The following STARD13 variants were observed in gnomAD, a reference collection of about 807,000 sequenced individuals.
STARD13 encodes the protein StAR related lipid transfer domain containing 13, also known as stAR-related lipid transfer protein 13.
STARD13 carries 62 observed loss-of-function variants against 106.4 expected under a neutral mutation model. The ratio of observed to expected loss-of-function variants is 0.58; its 90% CI spans 0.48 to 0.72. The LOEUF (loss-of-function observed/expected upper bound fraction) is 0.72. STARD13 is among the 30% of genes least tolerant of loss of function. The pLI, the probability that STARD13 is intolerant of heterozygous loss-of-function variation, is 0.00. For synonymous variants in STARD13, 565 were observed against 553.0 expected, an observed-to-expected ratio of 1.02 and a Z score of -0.31; for missense variants, 1,387 against 1,424.0, an observed-to-expected ratio of 0.97 and a Z score of 0.42.
intron 1 of STARD13, among the ~76,000 whole-genome samples, chr13:33,311,881 C>G (rs1381474758): frequency 1.3e-5 from 2 of 152,162 alleles, no homozygotes; most frequent in African/African-American, 4.8e-5. Flanking sequence ...GCTTTTCTTG[C>G]ATGTGGATTA....
chr13:33,187,989 C>T (rs532035582), intron 1 of STARD13, among the ~76,000 whole-genome samples: 7 of 152,174 alleles, frequency 4.6e-5, no homozygotes, highest in East Asian at 3.9e-4. Flanking sequence ...CCAACCTAAA[C>T]GAAGCATCTT....
the STARD13 span, among the ~76,000 whole-genome samples, chr13:33,662,369 G>T: frequency 5.9e-5 from 9 of 152,042 alleles, no homozygotes; most frequent in Non-Finnish European, 8.8e-5. Context: ...ATTGTATATA[G>T]ACACTTTACA....
the STARD13 span, among the ~76,000 whole-genome samples, chr13:33,463,508 A>C: frequency 6.6e-6 from 1 of 152,106 alleles, no homozygotes; most frequent in Non-Finnish European, 1.5e-5. Flanking sequence ...CCCTGTCCCT[A>C]CTTTAGCTAG....
the STARD13 span, among the ~76,000 whole-genome samples, chr13:33,610,299 TCTTA>T: frequency 5.8e-4 from 88 of 152,340 alleles, no homozygotes; most frequent in Non-Finnish European, 9.4e-4. Context: ...ATCTTCAAAG[TCTTA>T]CTTATTTAAG....
the STARD13 span, among the ~76,000 whole-genome samples, chr13:33,644,843 A>G: frequency 1.3e-5 from 2 of 152,220 alleles, no homozygotes; most frequent in African/African-American, 4.8e-5. Flanking sequence ...TTTTCTAGGA[A>G]TAATGACACT....
intron 1 of STARD13, among the ~76,000 whole-genome samples, chr13:33,294,589 G>T (rs1431877125): frequency 6.6e-6 from 1 of 152,098 alleles, no homozygotes; most frequent in Non-Finnish European, 1.5e-5. Context: ...TTTTACTGGA[G>T]ATTTTAACAA....
chr13:33,533,487 G>A, the STARD13 span, among the ~76,000 whole-genome samples: 1 of 152,102 alleles, frequency 6.6e-6, no homozygotes, highest in Non-Finnish European at 1.5e-5. Context: ...GCACCCACCT[G>A]ATAAATCATT....
chr13:33,269,742 TA>T (rs1891067916), intron 1 of STARD13, among the ~76,000 whole-genome samples: 1 of 152,058 alleles, frequency 6.6e-6, no homozygotes, highest in Admixed American at 6.5e-5. Context: ...ATAAGCTGAG[TA>T]AAAATACAAA....
At chr13:33,640,005 G>A in the STARD13 span, among the ~76,000 whole-genome samples, 1 of 152,180 alleles carries the variant, frequency 6.6e-6, no homozygotes, top group East Asian at 1.9e-4. Context: ...GACCTTCTAG[G>A]GGAATTTGCC....
chr13:33,493,813 C>A, the STARD13 span, among the ~76,000 whole-genome samples: 1 of 152,278 alleles, frequency 6.6e-6, no homozygotes, highest in South Asian at 2.1e-4. Context: ...TTCAGCCCCA[C>A]ACTTAAACTT....
intron 2 of STARD13, among the ~76,000 whole-genome samples, chr13:33,167,067 TA>T (rs1333147928): frequency 6.6e-6 from 1 of 151,910 alleles, no homozygotes; most frequent in Non-Finnish European, 1.5e-5. Context: ...ACACCTTACC[TA>T]AAACTCGGAA....
chr13:33,648,430 T>C, the STARD13 span, among the ~76,000 whole-genome samples: 1 of 152,232 alleles, frequency 6.6e-6, no homozygotes, highest in African/African-American at 2.4e-5. Flanking sequence ...TTACCAGCTA[T>C]GCAGACTAGG....
the STARD13 span, among the ~76,000 whole-genome samples, chr13:33,519,205 ATTTTTTCTTTCTTTCTTTCTTTCT>A: frequency 1.2e-5 from 1 of 86,832 alleles, no homozygotes; most frequent in African/African-American, 4.3e-5. Context: ...CCTCTTGGTA[ATTTTTTCTTTCTTTCTTTCTTTCT>A]TTCTTTCTTT....
At chr13:33,404,630 T>C in the STARD13 span, among the ~76,000 whole-genome samples, 2 of 152,144 alleles carry the variant, frequency 1.3e-5, no homozygotes, top group Admixed American at 6.6e-5. Context: ...ACACCACATG[T>C]GGGCATTGAA....
At chr13:33,156,795 T>A (rs1002877374) in intron 3 of STARD13, among the ~76,000 whole-genome samples, 7 of 152,228 alleles carry the variant, frequency 4.6e-5, no homozygotes, top group Admixed American at 4.6e-4. Context: ...TGGTATATAA[T>A]AAGCACTTTG....
intron 3 of STARD13, among the ~76,000 whole-genome samples, chr13:33,157,862 C>T (rs1023322539): frequency 2.0e-5 from 3 of 152,188 alleles, no homozygotes; most frequent in Non-Finnish European, 4.4e-5. Flanking sequence ...TATTTTAACA[C>T]CTTGGCTATC....
At chr13:33,461,330 G>A in the STARD13 span, among the ~76,000 whole-genome samples, 2 of 152,174 alleles carry the variant, frequency 1.3e-5, no homozygotes, top group Admixed American at 6.5e-5. Context: ...AATCATAAAT[G>A]GGAGAAAATT....
At chr13:33,131,861 T>C (rs1019226883) in intron 4 of STARD13, among the ~76,000 whole-genome samples, 1 of 152,218 alleles carries the variant, frequency 6.6e-6, no homozygotes, top group East Asian at 1.9e-4. Context: ...TCTTGCCTCA[T>C]AGGTTTGCTG....
At chr13:33,195,729 G>A (rs1315193733) in intron 1 of STARD13, among the ~76,000 whole-genome samples, 1 of 152,156 alleles carries the variant, frequency 6.6e-6, no homozygotes, top group Non-Finnish European at 1.5e-5. Flanking sequence ...CCTAAGTGAA[G>A]GAAGGCGGTA....
Sources: gnomAD v4.1 joint callset for allele counts (sites outside exome capture counted in the v4.1 genomes callset) on GRCh38, gnomAD v4.1.1 for gene constraint, MANE v1.5 for transcripts, NCBI Gene and HGNC (gene_info 2026-07-23, HGNC 2026-07-21) for gene names.